Variants in FANCC observed in about 807,000 individuals in gnomAD.
The protein encoded by FANCC is FA complementation group C.
FANCC carries 55 observed loss-of-function variants against 71.3 expected under a neutral mutation model. The observed-to-expected ratio is 0.77, with a 90% CI of 0.62 to 0.97. FANCC has a LOEUF of 0.97. FANCC is among the 50% of genes least tolerant of loss of function. FANCC has a pLI of 0.00. For synonymous variants in FANCC, 275 were observed against 244.9 expected (o/e 1.12, Z -1.15); for missense variants, 678 against 670.9 (o/e 1.01, Z -0.12).
intron 4 of FANCC, among the ~76,000 whole-genome samples, chr9:95,175,762 A>G (rs1489733484): frequency 6.6e-6 from 1 of 152,264 alleles, no homozygotes; most frequent in Non-Finnish European, 1.5e-5. Flanking sequence ...TTAGCAAGCC[A>G]GGATGGAGCC....
chr9:95,239,420 G>A (rs190370201), intron 4 of FANCC, among the ~76,000 whole-genome samples: 58 of 152,306 alleles, frequency 3.8e-4, no homozygotes, highest in African/African-American at 1.4e-3. Context: ...AAAGTCATGA[G>A]TTAAATGAAG....
At chr9:95,233,730 T>G (rs191203658) in intron 4 of FANCC, among the ~76,000 whole-genome samples, 1 of 152,358 alleles carries the variant, frequency 6.6e-6, no homozygotes, top group Non-Finnish European at 1.5e-5. Context: ...TTAATAAAGT[T>G]GGGGTGTGTA....
chr9:95,102,884 G>C (rs2071170609), intron 14 of FANCC, among the ~76,000 whole-genome samples: 1 of 152,240 alleles, frequency 6.6e-6, no homozygotes, highest in Non-Finnish European at 1.5e-5. Context: ...CCCCCTGGCA[G>C]CACACAGGGC....
chr9:95,287,831 G>C (rs1434418799), intron 1 of FANCC, among the ~76,000 whole-genome samples: 1 of 152,158 alleles, frequency 6.6e-6, no homozygotes, highest in African/African-American at 2.4e-5. Context: ...GCACAGAGTA[G>C]TATTTCTGCA....
At chr9:95,215,718 C>A (rs1025411196) in intron 4 of FANCC, among the ~76,000 whole-genome samples, 1 of 152,202 alleles carries the variant, frequency 6.6e-6, no homozygotes, top group Non-Finnish European at 1.5e-5. Flanking sequence ...AGAAGCCCCA[C>A]GTAGAGGCCA....
At chr9:95,105,503 GTATT>G (rs1247232076) in intron 14 of FANCC, among the ~76,000 whole-genome samples, 1 of 152,174 alleles carries the variant, frequency 6.6e-6, no homozygotes, top group Admixed American at 6.5e-5. Flanking sequence ...TCTGAGATGA[GTATT>G]TTTTTAAATT....
At chr9:95,221,817 A>G (rs1829291592) in intron 4 of FANCC, among the ~76,000 whole-genome samples, 1 of 152,212 alleles carries the variant, frequency 6.6e-6, no homozygotes, top group Non-Finnish European at 1.5e-5. Context: ...AGAGACTGCT[A>G]TACATCCATG....
intron 1 of FANCC, among the ~76,000 whole-genome samples, chr9:95,267,956 T>C (rs1365144222): frequency 6.6e-6 from 1 of 152,192 alleles, no homozygotes; most frequent in African/African-American, 2.4e-5. Context: ...CATCACTGGA[T>C]CTGCAGCAGC....
chr9:95,175,274 A>G (rs1031757903), intron 4 of FANCC, among the ~76,000 whole-genome samples: 1 of 151,654 alleles, frequency 6.6e-6, no homozygotes, highest in Non-Finnish European at 1.5e-5. Flanking sequence ...AAACATTACT[A>G]CTCAGTAGAA....
At chr9:95,206,400 A>G (rs1235478594) in intron 4 of FANCC, among the ~76,000 whole-genome samples, 1 of 152,120 alleles carries the variant, frequency 6.6e-6, no homozygotes, top group African/African-American at 2.4e-5. Context: ...CCATGTTGTA[A>G]TTATTAAATT....
intron 1 of FANCC, among the ~76,000 whole-genome samples, chr9:95,298,636 A>C (rs1834542229): frequency 6.6e-6 from 1 of 152,142 alleles, no homozygotes; most frequent in African/African-American, 2.4e-5. Context: ...ACCCAGGGAG[A>C]AGTAGCATGA....
rs1289146072 is a variant in FANCC, at chr9:95,101,339, T to TCTAAGA, written c.*362_*367dup. The TCTAAGA allele has an allele frequency of 6.3e-5, 24 of 382,288 alleles. No homozygotes were observed. Among genetic ancestry groups the TCTAAGA allele is most frequent in the African/African-American group, 4.8e-4 (24 of 50,504 alleles). 23.7% of individuals were successfully genotyped at this position (382,288 alleles called of 1,614,324 possible). ...AATGGTTCATGACCAAATTCTTGGT[T>TCTAAGA]CTAAGACTTTGAATTTTTAAATAAT... On this transcript the variant is annotated 3_prime_UTR_variant, in exon 15 of 15. Transcript: ENST00000289081.
intron 1 of FANCC, among the ~76,000 whole-genome samples, chr9:95,260,249 A>G (rs1397948056): frequency 6.6e-6 from 1 of 152,242 alleles, no homozygotes; most frequent in African/African-American, 2.4e-5. Context: ...ATGTATGTTT[A>G]TTGCAGCACT....
chr9:95,256,696 G>A (rs553844115), intron 1 of FANCC, among the ~76,000 whole-genome samples: 6 of 152,132 alleles, frequency 3.9e-5, no homozygotes, highest in African/African-American at 1.4e-4. Context: ...AATATTAACC[G>A]TAAATGTAAA....
intron 4 of FANCC, among the ~76,000 whole-genome samples, chr9:95,210,955 T>C (rs1828457655): frequency 6.6e-6 from 1 of 152,342 alleles, no homozygotes; most frequent in East Asian, 1.9e-4. Flanking sequence ...TATTAATATA[T>C]ATACTAACCT....
chr9:95,112,077 A>G lies in FANCC; in HGVS notation c.1155-440T>C, dbSNP rs111231281. Among the ~76,000 whole-genome samples, 548 of 152,360 alleles carry G rather than the reference A, an allele frequency of 3.6e-3. 2 individuals are homozygous for G. The highest frequency in any genetic ancestry group is 0.013 in the African/African-American group (527 of 41,580). The stretch of plus-strand genomic sequence containing the variant: ...GACGCAAAGTTCAGGTGGATATTTC[A>G]GCAACTACGAATTTTTAATGAGCTG... On this transcript the variant is annotated intron_variant, in intron 12 of 14. Transcript: ENST00000289081.
Position 95,249,311 on chromosome 9 carries a change from T to G in FANCC, c.-20A>C, listed in dbSNP as rs1831187572. On this transcript the variant is annotated 5_prime_UTR_variant, in exon 2 of 15. Coordinates refer to ENST00000289081, the MANE Select transcript of FANCC (RefSeq NM_000136.3). ...AGCCATCTTGGAAAAAGCGAAAAGG[T>G]GATGTCCCTTCACAGCAGCCTGTCC... 6.2e-7 allele frequency: 1 copy of G among 1,613,174 alleles called. No homozygotes were observed. Among genetic ancestry groups the G allele is most frequent in the Admixed American group, 1.7e-5 (1 of 59,988 alleles).
chr9:95,180,251 T>A (rs1010617924), intron 4 of FANCC, among the ~76,000 whole-genome samples: 1 of 151,570 alleles, frequency 6.6e-6, no homozygotes, highest in African/African-American at 2.4e-5. Flanking sequence ...ATAACATATG[T>A]GGAGCTGTCA....
intron 13 of FANCC, chr9:95,110,470 C>CT: frequency 4.9e-6 from 5 of 1,029,728 alleles, no homozygotes; most frequent in Non-Finnish European, 5.8e-6. Flanking sequence ...AAAAAGCTTT[C>CT]TTTTTAATCA....
Sources: gnomAD v4.1 joint callset for allele counts (sites outside exome capture counted in the v4.1 genomes callset) on GRCh38, gnomAD v4.1.1 for gene constraint, MANE v1.5 for transcripts, NCBI Gene and HGNC (gene_info 2026-07-23, HGNC 2026-07-21) for gene names.